The following ROBO1 variants were observed in gnomAD, a reference collection of about 807,000 sequenced individuals.
ROBO1 encodes roundabout guidance receptor 1.
Under a neutral mutation model 195.9 loss-of-function variants are expected in ROBO1, and 149 were observed. The ratio of observed to expected loss-of-function variants is 0.76; its 90% confidence interval spans 0.67 to 0.87. The LOEUF (loss-of-function observed/expected upper bound fraction) is 0.87, where lower values mean the gene tolerates loss of function less well. ROBO1 is among the 40% of genes least tolerant of loss of function. The probability of loss-of-function intolerance (pLI) is 0.00; values close to 1 mark genes in which losing one functional copy is unlikely to be tolerated. For missense variants in ROBO1, 1,933 were observed against 2,068.3 expected, an observed-to-expected ratio of 0.93 and a Z score of 1.27; for synonymous variants, 816 against 733.2, an observed-to-expected ratio of 1.11 and a Z score of -1.82.
In ROBO1 at chr3:79,605,294, T is replaced by A. The variant is rs151129630; in HGVS notation, c.-50-15333A>T. ...TCTCTGCCTTGCTTCTAAATATTGG[T>A]CTGTAAAGCGGCAGTCCTGGACTCT... On this transcript the variant is annotated intron_variant, in intron 1 of 30. Transcript: ENST00000464233. Among the ~76,000 whole-genome samples, 53 of 151,772 alleles carry A rather than the reference T, an allele frequency of 3.5e-4. No homozygotes were observed. The East Asian group carries it at 4.9e-3, about 14-fold the overall frequency.
intron 4 of ROBO1, among the ~76,000 whole-genome samples, chr3:78,767,273 T>G (rs2083254460): frequency 6.6e-6 from 1 of 151,942 alleles, no homozygotes; most frequent in Non-Finnish European, 1.5e-5. Flanking sequence ...TGTCGGTAAT[T>G]TATTTTATTT....
intron 2 of ROBO1, among the ~76,000 whole-genome samples, chr3:79,143,010 G>A (rs966542993): frequency 2.0e-5 from 3 of 152,022 alleles, no homozygotes; most frequent in Admixed American, 6.6e-5. Context: ...AACATAAACC[G>A]TAAAAGTGTA....
chr3:78,680,023 C>T lies in ROBO1; in HGVS notation c.1342+5723G>A, dbSNP rs139235084. Among the ~76,000 whole-genome samples, 147 of 152,138 alleles carry T rather than the reference C, an allele frequency of 9.7e-4. No homozygotes were observed. In the East Asian group the frequency reaches 0.018, roughly 18 times the overall value. ...AACAGAACACAAGCCTCAGAAATAA[C>T]GCCGCATATCTACAACTATCTGATC... is the stretch of plus-strand genomic sequence containing the variant. On this transcript the variant is annotated intron_variant, in intron 10 of 30. Transcript: ENST00000464233.
chr3:79,415,500 G>A (rs566241243), intron 2 of ROBO1, among the ~76,000 whole-genome samples: 197 of 152,166 alleles, frequency 1.3e-3, no homozygotes, highest in South Asian at 3.3e-3. Flanking sequence ...CAGACAGGAA[G>A]CTTACACAAA....
At chr3:78,924,266 T>C (rs1259730650) in intron 4 of ROBO1, among the ~76,000 whole-genome samples, 1 of 152,090 alleles carries the variant, frequency 6.6e-6, no homozygotes, top group African/African-American at 2.4e-5. Context: ...AATTAAATAT[T>C]AATCAAACGT....
intron 2 of ROBO1, among the ~76,000 whole-genome samples, chr3:79,191,299 T>C (rs2081535225): frequency 6.6e-6 from 1 of 151,458 alleles, no homozygotes; most frequent in Non-Finnish European, 1.5e-5. Flanking sequence ...TATTATGTAG[T>C]ATGTAAATTA....
At chr3:78,659,883 C>A (rs1197266803) in intron 16 of ROBO1, 76 bp from the exon 17 acceptor site, 12 of 1,089,202 alleles carry the variant, frequency 1.1e-5, no homozygotes, top group Admixed American at 2.7e-5. Context: ...ATATCAAACC[C>A]AATAATAGAT....
At chr3:78,772,808 T>G (rs2083411148) in intron 4 of ROBO1, among the ~76,000 whole-genome samples, 1 of 152,006 alleles carries the variant, frequency 6.6e-6, no homozygotes, top group South Asian at 2.1e-4. Flanking sequence ...CAAGAATTGG[T>G]GAAGAGTTTT....
At chr3:79,358,993 T>C (rs970168101) in intron 2 of ROBO1, among the ~76,000 whole-genome samples, 1 of 152,014 alleles carries the variant, frequency 6.6e-6, no homozygotes, top group Non-Finnish European at 1.5e-5. Flanking sequence ...TAAACGTTCA[T>C]CTATAAATTA....
At chr3:79,152,832 A>C in intron 2 of ROBO1, among the ~76,000 whole-genome samples, 1 of 151,818 alleles carries the variant, frequency 6.6e-6, no homozygotes, top group East Asian at 1.9e-4. Flanking sequence ...GGTCATATTT[A>C]AGCTGAAATC....
At chr3:78,821,229 G>A (rs947244029) in intron 4 of ROBO1, among the ~76,000 whole-genome samples, 5 of 147,272 alleles carry the variant, frequency 3.4e-5, no homozygotes, top group East Asian at 4.0e-4. Context: ...ACAGTGGTGC[G>A]ATCTCGTCTC....
intron 24 of ROBO1, 94 bp from the exon 25 acceptor site, chr3:78,631,399 T>C: frequency 7.5e-7 from 1 of 1,329,872 alleles, no homozygotes; most frequent in South Asian, 1.6e-5. Context: ...TATGATTTTA[T>C]AATTCATTTA....
At chr3:79,575,450 T>A (rs1206292703) in intron 2 of ROBO1, among the ~76,000 whole-genome samples, 1 of 130,780 alleles carries the variant, frequency 7.6e-6, no homozygotes, top group African/African-American at 2.9e-5. Context: ...CAAATATATA[T>A]AAATATATAT....
chr3:78,665,551 T>C (rs550556600), intron 14 of ROBO1, among the ~76,000 whole-genome samples: 4 of 152,226 alleles, frequency 2.6e-5, no homozygotes, highest in Non-Finnish European at 5.9e-5. Context: ...ACTAGCTGTC[T>C]TTCTCAGTTT....
chr3:79,683,570 A>G (rs1349421905), intron 1 of ROBO1, among the ~76,000 whole-genome samples: 3 of 152,134 alleles, frequency 2.0e-5, no homozygotes, highest in Non-Finnish European at 4.4e-5. Context: ...CAAACAAACA[A>G]ACAAACAAAC....
chr3:78,693,465 A>G (rs2081220370), intron 8 of ROBO1: 4 of 816,714 alleles, frequency 4.9e-6, no homozygotes, highest in Non-Finnish European at 8.0e-6. Context: ...CTTTTAAGAT[A>G]AAGAACATGT....
chr3:79,066,724 C>T lies in ROBO1; in HGVS notation c.172+58732G>A, dbSNP rs530420831. ...CCATAATAATGAGCTCTGAAAGACACTTGAAACTTACAGTAGATCACACTG... is the reference window on the plus strand; with the variant it reads ...CCATAATAATGAGCTCTGAAAGACATTTGAAACTTACAGTAGATCACACTG... On this transcript the variant is annotated intron_variant, in intron 3 of 30. Transcript: ENST00000464233. Among the ~76,000 whole-genome samples the T allele has an allele frequency of 2.6e-5, 4 of 151,988 alleles. No individual in the cohort carries two copies. In the East Asian group the frequency reaches 7.8e-4, roughly 30 times the overall value.
intron 3 of ROBO1, among the ~76,000 whole-genome samples, chr3:79,013,183 C>A (rs527418723): frequency 1.3e-5 from 2 of 152,252 alleles, no homozygotes; most frequent in East Asian, 3.9e-4. Context: ...TGTCTCTCCA[C>A]AGGCTCTTCA....
intron 3 of ROBO1, among the ~76,000 whole-genome samples, chr3:78,961,792 AT>A (rs1014642101): frequency 3.3e-5 from 5 of 151,668 alleles, no homozygotes; most frequent in East Asian, 3.9e-4. Context: ...TAGACCCATA[AT>A]TTTTTTTTAA....
Sources: allele counts gnomAD v4.1 joint callset (sites outside exome capture counted in the v4.1 genomes callset), GRCh38; gene constraint gnomAD v4.1.1; transcripts MANE v1.5; gene names NCBI Gene and HGNC (gene_info 2026-07-23, HGNC 2026-07-21).